SLC12A2: variants seen among roughly 807,000 people sequenced by gnomAD.
The protein encoded by SLC12A2 is Na-K-2Cl cotransporter 1.
A neutral mutation model predicts 136.3 loss-of-function variants in SLC12A2; 67 were observed. The ratio of observed to expected loss-of-function variants is 0.49; its 90% CI spans 0.40 to 0.60. The LOEUF (loss-of-function observed/expected upper bound fraction) is 0.60. Among genes scored for constraint, SLC12A2 ranks in the 20% least tolerant of loss-of-function variants. SLC12A2 has a pLI of 0.00. For synonymous variants in SLC12A2, 619 were observed against 562.9 expected, an observed-to-expected ratio of 1.10 and a Z score of -1.41; for missense variants, 1,322 against 1,534.7, an observed-to-expected ratio of 0.86 and a Z score of 2.32.
At chr5:128,085,218 TA>T (rs1760054198) in intron 1 of SLC12A2, among the ~76,000 whole-genome samples, 1 of 152,110 alleles carries the variant, frequency 6.6e-6, no homozygotes, top group Admixed American at 6.5e-5. Flanking sequence ...TATGAGTTAT[TA>T]AAGCTCAATT....
At chr5:128,112,096 A>G (rs1184836627) in intron 1 of SLC12A2, among the ~76,000 whole-genome samples, 1 of 152,128 alleles carries the variant, frequency 6.6e-6, no homozygotes, top group African/African-American at 2.4e-5. Context: ...AATGTGTCAT[A>G]TATTGGGATA....
At chr5:128,093,360 T>C (rs1408136593) in intron 1 of SLC12A2, among the ~76,000 whole-genome samples, 7 of 152,178 alleles carry the variant, frequency 4.6e-5, no homozygotes, top group Non-Finnish European at 1.0e-4. Context: ...CTCCTTATGC[T>C]ACATCATCTG....
Position 128,152,783 on chromosome 5 carries a change from G to C in SLC12A2, c.2341G>C (p.Glu781Gln). 6.2e-7 allele frequency: 1 copy of C among 1,612,088 alleles called. No individual in the cohort carries two copies. The highest frequency in any genetic ancestry group is 8.5e-7 in the Non-Finnish European group (1 of 1,178,202). Residue 781 changes from glutamate (E) to glutamine (Q), a missense_variant, in exon 15 of 27, where the codon GAA becomes CAA. By Grantham distance (29) the Glu-to-Gln change is conservative. Coordinates refer to ENST00000262461, the MANE Select transcript of SLC12A2 (RefSeq NM_001046.3). ...GCATTCAATTCGTCTTTCTGGAGTGGAAGACCACGTGAAAAACTTTAGGTA... is the reference window on the plus strand; with the variant it reads ...GCATTCAATTCGTCTTTCTGGAGTGCAAGACCACGTGAAAAACTTTAGGTA... Reference protein sequence around the residue: ...LQHSIRLSGVEDHVKNFRPQC... With the variant: ...LQHSIRLSGVQDHVKNFRPQC...
chr5:128,086,748 G>A (rs949108359), intron 1 of SLC12A2, among the ~76,000 whole-genome samples: 2 of 152,168 alleles, frequency 1.3e-5, no homozygotes, highest in African/African-American at 4.8e-5. Flanking sequence ...AAAGAAATGG[G>A]TGTTAAGTAG....
At chr5:128,120,521 A>C (rs1442836431) in intron 4 of SLC12A2, among the ~76,000 whole-genome samples, 6 of 151,550 alleles carry the variant, frequency 4.0e-5, no homozygotes, top group South Asian at 2.1e-4. Flanking sequence ...ATGGAATACT[A>C]TGCAGCCATA....
chr5:128,095,165 G>A (rs1022170854), intron 1 of SLC12A2, among the ~76,000 whole-genome samples: 1 of 152,110 alleles, frequency 6.6e-6, no homozygotes, highest in African/African-American at 2.4e-5. Context: ...TCAATGAAGT[G>A]TTTCAATCAG....
intron 1 of SLC12A2, among the ~76,000 whole-genome samples, chr5:128,103,561 T>C (rs1760821072): frequency 6.6e-6 from 1 of 152,200 alleles, no homozygotes; most frequent in Non-Finnish European, 1.5e-5. Context: ...AGTGCATAGA[T>C]TACAAAACAC....
At chr5:128,178,803 C>A in intron 22 of SLC12A2, 114 bp downstream of exon 22, 1 of 639,484 alleles carries the variant, frequency 1.6e-6, no homozygotes, top group Non-Finnish European at 2.4e-6. Context: ...CCAGCATTCC[C>A]AAAAGCAAAA....
At position 128,084,178 on chromosome 5, in the gene SLC12A2, C is replaced by T. The variant is rs867317483; in HGVS notation, c.224C>T (p.Thr75Ile). 3 of 1,295,086 alleles carry T rather than the reference C, an allele frequency of 2.3e-6. No individual in the cohort carries two copies. Among genetic ancestry groups the T allele is most frequent in the East Asian group, 3.2e-5 (1 of 30,780 alleles). The allele number at this position is 1,295,086 out of a possible 1,614,324, so 80.2% of individuals were successfully genotyped here. Residue 75 changes from threonine to isoleucine, a missense_variant, in exon 1 of 27, where the codon ACC becomes ATC. This residue lies in a region of SLC12A2 where 358 missense variants were observed against 299.7 expected (regional missense o/e 1.19). Transcript: ENST00000262461. The surrounding 1 kb of genome is among the most constrained non-coding windows in gnomAD (Gnocchi z 5.6). ...GGGCTGGGCAGACCCTTGGGGCCCA[C>T]CCCGAGCCAGAGCCGTTTCCAGGTG... ...GDGLGRPLGPTPSQSRFQVDL... is the reference protein window; with the variant it reads ...GDGLGRPLGPIPSQSRFQVDL...
chr5:128,115,897 G>T (rs542028450), intron 4 of SLC12A2, among the ~76,000 whole-genome samples: 16 of 152,288 alleles, frequency 1.1e-4, no homozygotes, highest in African/African-American at 3.4e-4. Context: ...GACCCTTGGA[G>T]GCTGGTATCT....
chr5:128,130,029 G>C (rs911104511), intron 4 of SLC12A2, among the ~76,000 whole-genome samples: 1 of 147,600 alleles, frequency 6.8e-6, no homozygotes, highest in Non-Finnish European at 1.5e-5. Context: ...GCTCTTGTGA[G>C]ACTTTGTTTT....
chr5:128,083,970 A>C lies in SLC12A2; in HGVS notation c.16A>C (p.Thr6Pro). 1 of 1,238,828 alleles carries C rather than the reference A, an allele frequency of 8.1e-7. No individual in the cohort carries two copies. The highest frequency in any genetic ancestry group is 1.0e-6 in the Non-Finnish European group (1 of 991,296). 76.7% of individuals were successfully genotyped at this position (1,238,828 alleles called of 1,614,324 possible). A position where few individuals can be genotyped will look rare whatever the true frequency, so the allele number is the denominator to read the frequency against. ...TCGGGCAGCTATGGAGCCGCGGCCC[A>C]CGGCGCCCTCCTCCGGCGCCCCGGG... The part of the protein sequence containing the change: MEPRP[T>P]APSSGAPGLA... Residue 6 changes from threonine (T) to proline (P), a missense_variant, in exon 1 of 27, where the codon ACG (threonine) becomes CCG (proline). Thr to Pro is a conservative substitution (Grantham distance 38, BLOSUM62 -1). Coordinates refer to ENST00000262461, the MANE Select transcript of SLC12A2 (RefSeq NM_001046.3).
intron 23 of SLC12A2, 134 bp downstream of exon 23, chr5:128,181,128 T>G: frequency 1.6e-6 from 1 of 636,866 alleles, no homozygotes. Flanking sequence ...AGTTAAAAAT[T>G]TTAAATATAA....
Position 128,147,632 on chromosome 5 carries a change from T to A in SLC12A2, c.1784T>A (p.Met595Lys), listed in dbSNP as rs1352776024. The A allele has an allele frequency of 6.2e-7, 1 of 1,601,736 alleles. No individual in the cohort carries two copies. The change falls in exon 11 of 27, where the codon ATG (methionine) becomes AAG (lysine). Residue 595 changes from methionine (M) to lysine (K), a missense_variant. By Grantham distance (95) the Met-to-Lys change is moderately conservative. Transcript: ENST00000262461. Reference sequence around the variant, plus strand: ...TCACTTTTATTTAAGGTAATGAGTATGGTGTCAGGATTTACACCACTAATT... The same window carrying A: ...TCACTTTTATTTAAGGTAATGAGTAAGGTGTCAGGATTTACACCACTAATT... ...GLMNNFQVMS[M>K]VSGFTPLISA...
chr5:128,117,731 A>T (rs562422688), intron 4 of SLC12A2, among the ~76,000 whole-genome samples: 1 of 152,324 alleles, frequency 6.6e-6, no homozygotes, highest in South Asian at 2.1e-4. Flanking sequence ...GGACCTAATT[A>T]AACTAAAAAG....
At chr5:128,131,300 T>C (rs904654314) in intron 5 of SLC12A2, 94 bp downstream of exon 5, 3 of 1,233,024 alleles carry the variant, frequency 2.4e-6, no homozygotes, top group African/African-American at 1.5e-5. Context: ...AGCAGTGATA[T>C]GATGACCAAG....
intron 10 of SLC12A2, among the ~76,000 whole-genome samples, chr5:128,145,783 CAATT>C (rs1272936433): frequency 6.6e-6 from 1 of 151,944 alleles, no homozygotes; most frequent in African/African-American, 2.4e-5. Context: ...TTTGTTTAAA[CAATT>C]AAATTTTACA....
intron 1 of SLC12A2, among the ~76,000 whole-genome samples, chr5:128,104,154 A>G (rs1160970024): frequency 1.3e-5 from 2 of 152,304 alleles, no homozygotes; most frequent in Non-Finnish European, 2.9e-5. Flanking sequence ...TTGACCTGGA[A>G]CATTGATTAA....
intron 10 of SLC12A2, among the ~76,000 whole-genome samples, chr5:128,146,900 A>G (rs4836367): frequency 0.31 from 47,598 of 151,336 alleles, 9,044 homozygotes; most frequent in African/African-American, 0.53. Context: ...AGATAGAACC[A>G]GTTTACTAGA....
Sources: gnomAD v4.1 joint callset for allele counts (sites outside exome capture counted in the v4.1 genomes callset) on GRCh38, gnomAD v4.1.1 for gene constraint, gnomAD v4.1.1 regional missense constraint, Gnocchi (gnomAD v3.1) non-coding constraint, MANE v1.5 for transcripts, NCBI Gene and HGNC (gene_info 2026-07-23, HGNC 2026-07-21) for gene names.